The following PRDM2 variants were observed in gnomAD, a reference collection of about 807,000 sequenced individuals.
The protein encoded by PRDM2 is PR/SET domain 2.
A neutral mutation model predicts 130.0 loss-of-function variants in PRDM2; 30 were observed. That is an observed-to-expected ratio of 0.23 (90% confidence interval 0.17 to 0.31). PRDM2 has a LOEUF of 0.31. Among genes scored for constraint, PRDM2 ranks in the 10% least tolerant of loss-of-function variants. PRDM2 has a pLI of 1.00. For missense variants in PRDM2, 2,011 were observed against 2,108.4 expected, an observed-to-expected ratio of 0.95 and a Z score of 0.90; for synonymous variants, 871 against 782.4, an observed-to-expected ratio of 1.11 and a Z score of -1.89.
intron 9 of PRDM2, among the ~76,000 whole-genome samples, chr1:13,818,007 G>A (rs1379663327): frequency 6.6e-6 from 1 of 152,212 alleles, no homozygotes; most frequent in African/African-American, 2.4e-5. Context: ...GCCCAGCATG[G>A]AAGTGGTTGG....
intron 2 of PRDM2, among the ~76,000 whole-genome samples, chr1:13,718,073 G>A (rs1048305865): frequency 7.9e-5 from 12 of 152,154 alleles, no homozygotes; most frequent in African/African-American, 2.9e-4. Context: ...TTCCCTTCTC[G>A]TATTTATTGC....
At chr1:13,749,567 G>A in intron 6 of PRDM2, 80 bp downstream of exon 6, 3 of 945,838 alleles carry the variant, frequency 3.2e-6, no homozygotes, top group Non-Finnish European at 3.8e-6. Flanking sequence ...CGCTGCTGCT[G>A]GCCCGACCGC....
chr1:13,708,644 A>G (rs1642279807), intron 1 of PRDM2, among the ~76,000 whole-genome samples: 1 of 152,212 alleles, frequency 6.6e-6, no homozygotes, highest in Non-Finnish European at 1.5e-5. Context: ...GAAACTGATC[A>G]TTGAAATGGG....
At chr1:13,744,055 T>C (rs934350461) in intron 5 of PRDM2, among the ~76,000 whole-genome samples, 3 of 152,174 alleles carry the variant, frequency 2.0e-5, no homozygotes, top group Admixed American at 6.5e-5. Flanking sequence ...GGGATGAATA[T>C]GAGACAATCA....
At chr1:13,796,183 A>G (rs1285943068) in intron 8 of PRDM2, among the ~76,000 whole-genome samples, 1 of 152,160 alleles carries the variant, frequency 6.6e-6, no homozygotes, top group Non-Finnish European at 1.5e-5. Flanking sequence ...CTGACCCCAC[A>G]CTAGAGGATC....
chr1:13,790,505 G>GCCCAAGC (rs1322008430), intron 8 of PRDM2, among the ~76,000 whole-genome samples: 2 of 152,038 alleles, frequency 1.3e-5, no homozygotes, highest in Non-Finnish European at 2.9e-5. Flanking sequence ...TGATTCCAAG[G>GCCCAAGC]CCCAAGCCCC....
At chr1:13,767,802 G>T (rs1569941215) in intron 6 of PRDM2, among the ~76,000 whole-genome samples, 2 of 151,858 alleles carry the variant, frequency 1.3e-5, no homozygotes, top group East Asian at 3.9e-4. Flanking sequence ...GCAAGATCTT[G>T]TCTCTACAAA....
rs753760810 is a variant in PRDM2, at chr1:13,806,681, G to C, written c.5037-9746G>C. ...AGGTCCAGGCCACCATCATCTCCCT[G>C]GATGGTGGCAGTCACCTCCTTGCTG... is the stretch of plus-strand genomic sequence containing the variant. On this transcript the variant is annotated intron_variant, in intron 8 of 9. Transcript: ENST00000311066. The surrounding 1 kb of genome is among the most constrained non-coding windows in gnomAD (Gnocchi z 4.1). 2.0e-5 allele frequency among the ~76,000 whole-genome samples: 3 copies of C among 152,098 alleles called. No homozygotes were observed. The highest frequency in any genetic ancestry group is 4.4e-5 in the Non-Finnish European group (3 of 68,022).
chr1:13,749,538 G>C, intron 6 of PRDM2, 51 bp downstream of exon 6: 1 of 1,160,758 alleles, frequency 8.6e-7, no homozygotes. Context: ...GCCCGCCCAG[G>C]ACGCCGCCCT....
At chr1:13,776,863 C>T (rs1032410807) in intron 7 of PRDM2, among the ~76,000 whole-genome samples, 2 of 152,196 alleles carry the variant, frequency 1.3e-5, no homozygotes, top group African/African-American at 2.4e-5. Flanking sequence ...CCCTCTTCTG[C>T]CTGCGTTCAC....
At chr1:13,807,309 A>G (rs889328627) in intron 8 of PRDM2, among the ~76,000 whole-genome samples, 3 of 152,272 alleles carry the variant, frequency 2.0e-5, no homozygotes, top group Non-Finnish European at 4.4e-5. Flanking sequence ...CACACCGTTC[A>G]CCTGACAAAT....
rs747398696 is a variant in PRDM2, at chr1:13,781,165, G to A, written c.3370G>A (p.Val1124Ile). 5.0e-6 allele frequency: 8 copies of A among 1,611,404 alleles called. No individual in the cohort carries two copies. In the Admixed American group the frequency reaches 1.3e-4, roughly 27 times the overall value. Reference protein sequence around the residue: ...EEPQSAAEQDVVVQETFNKNF... With the variant: ...EEPQSAAEQDIVVQETFNKNF... ...GCCCCAGTCTGCTGCTGAACAGGAT[G>A]TTGTTGTTCAGGAAACATTCAACAA... Residue 1124 changes from valine (V) to isoleucine (I), a missense_variant, in exon 8 of 10, where the codon GTT becomes ATT. Val to Ile is a conservative substitution (Grantham distance 29). This residue lies in a region of PRDM2 where 229 missense variants were observed against 364.1 expected (regional missense o/e 0.63). Transcript: ENST00000311066. This position sits in a 1 kb window ranked among gnomAD's most constrained non-coding sequence, Gnocchi z 6.1.
intron 4 of PRDM2, among the ~76,000 whole-genome samples, chr1:13,735,134 G>T (rs1194880038): frequency 1.3e-5 from 2 of 152,180 alleles, no homozygotes; most frequent in Admixed American, 1.3e-4. Context: ...CCATTTTAAA[G>T]CTAATCTAAG....
chr1:13,815,703 A>G (rs1024299773), intron 8 of PRDM2, among the ~76,000 whole-genome samples: 1 of 152,170 alleles, frequency 6.6e-6, no homozygotes, highest in East Asian at 1.9e-4. Context: ...CTTTTAAATA[A>G]ATTTTTTAAA....
chr1:13,791,409 T>A (rs1376630494), intron 8 of PRDM2, among the ~76,000 whole-genome samples: 7 of 152,194 alleles, frequency 4.6e-5, no homozygotes, highest in Non-Finnish European at 1.0e-4. Context: ...CGTGACTGTT[T>A]AACAGAAGCC....
intron 2 of PRDM2, among the ~76,000 whole-genome samples, chr1:13,727,192 G>A (rs1227961547): frequency 1.3e-5 from 2 of 152,108 alleles, no homozygotes; most frequent in African/African-American, 2.4e-5. Context: ...TATTGTCACA[G>A]ATTCCCTTTC....
chr1:13,801,843 G>A (rs909662656), intron 8 of PRDM2, among the ~76,000 whole-genome samples: 4 of 152,218 alleles, frequency 2.6e-5, no homozygotes, highest in Admixed American at 6.5e-5. Context: ...CCACCTGGCC[G>A]TCATTCTGTG....
chr1:13,772,917 CCTTT>C (rs371262743), intron 6 of PRDM2, among the ~76,000 whole-genome samples, 157 bp from the exon 7 acceptor site: 39 of 152,178 alleles, frequency 2.6e-4, no homozygotes, highest in African/African-American at 8.7e-4. Flanking sequence ...ATCATTCATT[CCTTT>C]CTTTAGGAAT....
At chr1:13,739,338 G>A (rs1361378353) in intron 4 of PRDM2, among the ~76,000 whole-genome samples, 2 of 152,102 alleles carry the variant, frequency 1.3e-5, no homozygotes, top group African/African-American at 4.8e-5. Flanking sequence ...GTGAACCACC[G>A]TGCCTGGCCT....
Sources: allele counts gnomAD v4.1 joint callset (sites outside exome capture counted in the v4.1 genomes callset), GRCh38; gene constraint gnomAD v4.1.1; regional missense constraint gnomAD v4.1.1; non-coding constraint Gnocchi (gnomAD v3.1); transcripts MANE v1.5; gene names NCBI Gene and HGNC (gene_info 2026-07-23, HGNC 2026-07-21).